The following KCNH7 variants were observed in gnomAD, a reference collection of about 807,000 sequenced individuals.
KCNH7 encodes potassium voltage-gated channel subfamily H member 7, also known as voltage-gated inwardly rectifying potassium channel KCNH7.
KCNH7 carries 49 observed loss-of-function variants against 120.8 expected under a neutral mutation model. The ratio of observed to expected loss-of-function variants is 0.41; its 90% CI spans 0.32 to 0.51. The LOEUF (loss-of-function observed/expected upper bound fraction) is 0.51. Ranked by LOEUF, KCNH7 falls within the 20% of genes least tolerant of loss-of-function variation. The pLI is 0.38. For missense variants in KCNH7, 1,097 were observed against 1,446.6 expected, an observed-to-expected ratio of 0.76 and a Z score of 3.92; for synonymous variants, 547 against 516.1, an observed-to-expected ratio of 1.06 and a Z score of -0.81.
rs570587507 is a variant in KCNH7, at chr2:162,384,554, A to C, written c.2962+134T>G. 42 of 878,846 alleles carry C rather than the reference A, an allele frequency of 4.8e-5. No individual in the cohort carries two copies. In the East Asian group the frequency reaches 1.0e-3, roughly 21 times the overall value. 54.4% of individuals were successfully genotyped at this position (878,846 alleles called of 1,614,324 possible). A position where few individuals can be genotyped will look rare whatever the true frequency, so the allele number is the denominator to read the frequency against. On this transcript the variant is annotated intron_variant, in intron 13 of 15. Transcript: ENST00000332142. ...CACTTCATGGATGATCTGAAATCTGAACGCTTCGCGAACATTTCATGAAGT... is the reference window on the plus strand; with the variant it reads ...CACTTCATGGATGATCTGAAATCTGCACGCTTCGCGAACATTTCATGAAGT...
At chr2:162,505,648 G>T (rs938651057) in intron 5 of KCNH7, among the ~76,000 whole-genome samples, 1 of 151,776 alleles carries the variant, frequency 6.6e-6, no homozygotes, top group Non-Finnish European at 1.5e-5. Flanking sequence ...GCAATATTAC[G>T]TACACTGTTA....
At chr2:162,382,499 C>T (rs914429305) in intron 13 of KCNH7, among the ~76,000 whole-genome samples, 1 of 152,032 alleles carries the variant, frequency 6.6e-6, no homozygotes, top group Non-Finnish European at 1.5e-5. Flanking sequence ...AATGTATGAA[C>T]AGAAAGTAAA....
At chr2:162,820,990 G>C (rs1360191009) in intron 2 of KCNH7, among the ~76,000 whole-genome samples, 1 of 152,048 alleles carries the variant, frequency 6.6e-6, no homozygotes. Flanking sequence ...TTTTTCAGGG[G>C]TGTCCCTCCT....
At chr2:162,404,269 G>A (rs1368119847) in intron 9 of KCNH7, among the ~76,000 whole-genome samples, 5 of 151,848 alleles carry the variant, frequency 3.3e-5, no homozygotes, top group Non-Finnish European at 7.4e-5. Flanking sequence ...TGTATTTGAA[G>A]CCATGGTTTT....
At chr2:162,472,097 T>A (rs1689559481) in intron 6 of KCNH7, among the ~76,000 whole-genome samples, 1 of 152,136 alleles carries the variant, frequency 6.6e-6, no homozygotes, top group African/African-American at 2.4e-5. Context: ...TCAAGATGGA[T>A]TAAAGACTTA....
chr2:162,576,314 C>A (rs1693668171), intron 2 of KCNH7, among the ~76,000 whole-genome samples: 1 of 152,062 alleles, frequency 6.6e-6, no homozygotes, highest in Non-Finnish European at 1.5e-5. Context: ...TTCTCTGCAA[C>A]TTTGCCGGTC....
At chr2:162,661,368 T>A (rs537204480) in intron 2 of KCNH7, among the ~76,000 whole-genome samples, 28 of 152,140 alleles carry the variant, frequency 1.8e-4, no homozygotes, top group Non-Finnish European at 3.5e-4. Flanking sequence ...AGAAAGAAAG[T>A]TTATAAAAGA....
intron 2 of KCNH7, among the ~76,000 whole-genome samples, chr2:162,571,800 A>T (rs1693486647): frequency 6.7e-6 from 1 of 149,492 alleles, no homozygotes; most frequent in Non-Finnish European, 1.5e-5. Context: ...TGGGGAAAGG[A>T]TTCCCTATTT....
At chr2:162,390,064 T>G (rs1686697495) in intron 12 of KCNH7, among the ~76,000 whole-genome samples, 1 of 152,006 alleles carries the variant, frequency 6.6e-6, no homozygotes, top group African/African-American at 2.4e-5. Flanking sequence ...CTGGTTACAC[T>G]GCTGTCCTCA....
At position 162,371,421 on chromosome 2, in the gene KCNH7, A is replaced by G. The variant is rs1685941343; in HGVS notation, c.*408T>C. 7.8e-7 allele frequency: 1 copy of G among 1,287,974 alleles called. No homozygotes were observed. The highest frequency in any genetic ancestry group is 1.0e-6 in the Non-Finnish European group (1 of 988,248). The allele number at this position is 1,287,974 out of a possible 1,614,324, so 79.8% of individuals were successfully genotyped here. ...CTGGAATTCCCATGAGTTGAGGATCATCTGAATTTGAGTTGCATCCATGAA... is the reference window on the plus strand; with the variant it reads ...CTGGAATTCCCATGAGTTGAGGATCGTCTGAATTTGAGTTGCATCCATGAA... On this transcript the variant is annotated 3_prime_UTR_variant, in exon 16 of 16. Coordinates refer to ENST00000332142, the MANE Select transcript of KCNH7 (RefSeq NM_033272.4).
chr2:162,726,501 C>A (rs1176874344), intron 2 of KCNH7, among the ~76,000 whole-genome samples: 1 of 152,124 alleles, frequency 6.6e-6, no homozygotes, highest in Non-Finnish European at 1.5e-5. Context: ...CTCACTGTAA[C>A]CCCCGCCTCC....
intron 2 of KCNH7, among the ~76,000 whole-genome samples, chr2:162,538,643 C>A (rs1340291435): frequency 3.3e-5 from 5 of 152,044 alleles, no homozygotes; most frequent in Admixed American, 2.6e-4. Context: ...AAAACTCTTT[C>A]CTTTCTTCTT....
intron 7 of KCNH7, among the ~76,000 whole-genome samples, chr2:162,438,777 C>G (rs1354421631): frequency 2.0e-5 from 3 of 152,124 alleles, no homozygotes; most frequent in Admixed American, 2.0e-4. Flanking sequence ...TTGTGTATAA[C>G]ACATCTTGTA....
In KCNH7 at chr2:162,540,726, C is replaced by G. The variant is rs1330530821; in HGVS notation, c.308-3646G>C. ...CAAAGAATGGATCTGAAGCTTTTCA[C>G]TGTGTTAGACAGGAAGGCACTGGAG... On this transcript the variant is annotated intron_variant, in intron 2 of 15. Coordinates refer to ENST00000332142, the MANE Select transcript of KCNH7 (RefSeq NM_033272.4). 2.0e-5 allele frequency among the ~76,000 whole-genome samples: 3 copies of G among 152,182 alleles called. No individual in the cohort carries two copies. In the East Asian group the frequency reaches 5.8e-4, roughly 30 times the overall value.
rs183554563 is a variant in KCNH7, at chr2:162,783,527, G to A, written c.307+53010C>T. 3.5e-4 allele frequency among the ~76,000 whole-genome samples: 53 copies of A among 152,284 alleles called. No homozygotes were observed. The Middle Eastern group carries it at 0.01, about 29-fold the overall frequency. ...GCTTTTCTGTAGCAGACGGAATGTG[G>A]TTTTATAGCTTGATCCAAGGTTTAA... On this transcript the variant is annotated intron_variant, in intron 2 of 15. Transcript: ENST00000332142.
Position 162,481,965 on chromosome 2 carries a change from C to CATCTATCTATCTATCT in KCNH7, c.1128+22462_1128+22477dup, listed in dbSNP as rs35463005. 6.6e-3 allele frequency among the ~76,000 whole-genome samples: 1,005 copies of CATCTATCTATCTATCT among 151,210 alleles called. 8 individuals are homozygous for CATCTATCTATCTATCT. Among genetic ancestry groups the CATCTATCTATCTATCT allele is most frequent in the African/African-American group, 0.023 (931 of 41,266 alleles). On this transcript the variant is annotated intron_variant, in intron 6 of 15. Transcript: ENST00000332142. ...ATACACAGGTTATCTATCTATCTAT[C>CATCTATCTATCTATCT]ATCTATCTATCTATCTATCTATCTA...
At chr2:162,661,837 T>TTG (rs1486147199) in intron 2 of KCNH7, among the ~76,000 whole-genome samples, 3 of 152,194 alleles carry the variant, frequency 2.0e-5, no homozygotes, top group African/African-American at 7.2e-5. Flanking sequence ...CATCATCTCT[T>TTG]TTTCAGAGTC....
At chr2:162,594,288 CT>C (rs1694304538) in intron 2 of KCNH7, among the ~76,000 whole-genome samples, 2 of 152,082 alleles carry the variant, frequency 1.3e-5, no homozygotes, top group East Asian at 3.9e-4. Context: ...TACTTTTAGT[CT>C]TTGTCAGTCT....
chr2:162,425,383 G>A (rs1011943216), intron 8 of KCNH7, among the ~76,000 whole-genome samples: 2 of 149,028 alleles, frequency 1.3e-5, no homozygotes, highest in Non-Finnish European at 1.5e-5. Context: ...TGGCATGTAT[G>A]AGACATTAAT....
Sources: gnomAD v4.1 joint callset for allele counts (sites outside exome capture counted in the v4.1 genomes callset) on GRCh38, gnomAD v4.1.1 for gene constraint, MANE v1.5 for transcripts, NCBI Gene and HGNC (gene_info 2026-07-23, HGNC 2026-07-21) for gene names.